The following SGSM3 variants were observed in gnomAD, a reference collection of about 807,000 sequenced individuals.
SGSM3 encodes the protein small G protein signaling modulator 3.
A neutral mutation model predicts 100.5 loss-of-function variants in SGSM3; 96 were observed. That is an observed-to-expected ratio of 0.96 (90% CI 0.81 to 1.13). The LOEUF (loss-of-function observed/expected upper bound fraction) is 1.13, where lower values mean the gene tolerates loss of function less well. SGSM3 is among the 50% of genes most tolerant of loss of function. The pLI, the probability that SGSM3 is intolerant of heterozygous loss-of-function variation, is 0.00. For synonymous variants in SGSM3, 483 were observed against 422.8 expected (o/e 1.14, Z -1.75); for missense variants, 1,001 against 1,015.8 (o/e 0.99, Z 0.20).
At chr22:40,404,513 T>C (rs781163747) in intron 5 of SGSM3, 44 bp from the exon 6 acceptor site, 27 of 1,609,880 alleles carry the variant, frequency 1.7e-5, no homozygotes, top group African/African-American at 4.0e-5. Flanking sequence ...CATGATCAGG[T>C]GTCACGAGAA....
chr22:40,408,838 AC>A lies in SGSM3; in HGVS notation c.1900del (p.Arg634GlyfsTer6), dbSNP rs766026955. On this transcript the variant is annotated frameshift_variant, in exon 18 of 22. Transcript: ENST00000248929. LOFTEE classifies it high-confidence loss of function. Reference sequence around the variant, plus strand: ...GTCCTGACCCCGGAGGAGCTGCTCTACCGGGTAAGGGGGCCTCCTCTGCCAG... The same window carrying A: ...GTCCTGACCCCGGAGGAGCTGCTCTACGGGTAAGGGGGCCTCCTCTGCCAG... ...GKVLTPEELL[Y>X]RAVQSVNVTH... 11 of 1,613,686 alleles carry A rather than the reference AC, an allele frequency of 6.8e-6. No homozygotes were observed. The highest frequency in any genetic ancestry group is 4.2e-6 in the Non-Finnish European group (5 of 1,179,954).
chr22:40,397,153 A>G (rs1045891914), intron 1 of SGSM3, among the ~76,000 whole-genome samples: 4 of 152,158 alleles, frequency 2.6e-5, no homozygotes, highest in African/African-American at 9.7e-5. Flanking sequence ...CAGCTTAACA[A>G]TTCACATCCG....
chr22:40,404,427 C>T lies in SGSM3; in HGVS notation c.338C>T (p.Ala113Val). 6.2e-7 allele frequency: 1 copy of T among 1,604,950 alleles called. No individual in the cohort carries two copies. The highest frequency in any genetic ancestry group is 2.2e-5 in the East Asian group (1 of 44,792). ...GAGAAGCTCCGCTCCCTGGTGCTGG[C>T]CGGCATCCCACATGGCATGAGGCCA... ...RSEKLRSLVL[A>V]GIPHGMRPQL... is the part of the protein sequence containing the mutation. Residue 113 changes from alanine (A) to valine (V), a missense_variant, in exon 5 of 22, where the codon GCC (alanine) becomes GTC (valine). By Grantham distance (64) the Ala-to-Val change is moderately conservative. Transcript: ENST00000248929.
intron 1 of SGSM3, among the ~76,000 whole-genome samples, chr22:40,392,240 C>T (rs1472521574): frequency 6.6e-6 from 1 of 151,388 alleles, no homozygotes; most frequent in Admixed American, 6.6e-5. Flanking sequence ...GTGATTATTC[C>T]AGTAATTACT....
Position 40,409,927 on chromosome 22 carries a change from A to G in SGSM3, c.*168A>G, listed in dbSNP as rs2052372193. 2 of 1,406,916 alleles carry G rather than the reference A, an allele frequency of 1.4e-6. No homozygotes were observed. The highest frequency in any genetic ancestry group is 3.1e-5 in the Admixed American group (1 of 32,284). The allele number at this position is 1,406,916 out of a possible 1,614,324, so 87.2% of individuals were successfully genotyped here. On this transcript the variant is annotated 3_prime_UTR_variant, in exon 22 of 22. Coordinates refer to ENST00000248929, the MANE Select transcript of SGSM3 (RefSeq NM_015705.6). ...AGCACATCCCAGGTGGTGGGAGCAGAGGGTACCCTGCCCCACCAGGGTCCT... is the reference window on the plus strand; with the variant it reads ...AGCACATCCCAGGTGGTGGGAGCAGGGGGTACCCTGCCCCACCAGGGTCCT...
intron 4 of SGSM3, among the ~76,000 whole-genome samples, chr22:40,403,010 C>G (rs774036134): frequency 3.9e-5 from 6 of 152,160 alleles, no homozygotes; most frequent in Non-Finnish European, 7.3e-5. Flanking sequence ...TCTTCTGATT[C>G]GTAGGCAGGT....
intron 1 of SGSM3, among the ~76,000 whole-genome samples, chr22:40,394,058 A>G (rs2049727171): frequency 6.6e-6 from 1 of 152,050 alleles, no homozygotes; most frequent in South Asian, 2.1e-4. Flanking sequence ...CCTAACTTCT[A>G]AATGTTGGAG....
At chr22:40,388,579 G>A (rs955699162) in intron 1 of SGSM3, among the ~76,000 whole-genome samples, 5 of 152,170 alleles carry the variant, frequency 3.3e-5, no homozygotes, top group African/African-American at 1.2e-4. Flanking sequence ...TTTTAAAGAT[G>A]GGAGGGAAAT....
At chr22:40,408,180 T>G (rs929358030) in intron 15 of SGSM3, 60 bp downstream of exon 15, 2 of 1,605,686 alleles carry the variant, frequency 1.2e-6, no homozygotes, top group Non-Finnish European at 1.7e-6. Context: ...CCTGCGTGCC[T>G]AGCGAGTCCT....
intron 1 of SGSM3, among the ~76,000 whole-genome samples, chr22:40,394,809 G>C (rs943322194): frequency 5.9e-5 from 9 of 152,110 alleles, no homozygotes; most frequent in African/African-American, 1.4e-4. Flanking sequence ...GAGCTGAAAA[G>C]TCATTTCCTG....
Position 40,407,647 on chromosome 22 carries a change from C to T in SGSM3, c.1524+79C>T. 6.3e-7 allele frequency: 1 copy of T among 1,578,920 alleles called. No individual in the cohort carries two copies. Among genetic ancestry groups the T allele is most frequent in the Non-Finnish European group, 8.6e-7 (1 of 1,160,712 alleles). The stretch of plus-strand genomic sequence containing the variant: ...CTCCCTCCACCAAGCCCCACCCCAA[C>T]CCCTTTCCCTGCCAAGAGCTTCTCT... On this transcript the variant is annotated intron_variant, in intron 13 of 21. Transcript: ENST00000248929. The surrounding 1 kb of genome is among the most constrained non-coding windows in gnomAD (Gnocchi z 4.7).
intron 4 of SGSM3, chr22:40,404,025 T>A: frequency 2.5e-6 from 1 of 402,324 alleles, no homozygotes. Context: ...ATGGTAGGAG[T>A]GGCTTTGAGG....
At chr22:40,375,317 C>A (rs542601016) in intron 1 of SGSM3, among the ~76,000 whole-genome samples, 1 of 152,202 alleles carries the variant, frequency 6.6e-6, no homozygotes, top group South Asian at 2.1e-4. Flanking sequence ...TGGTGGCTCA[C>A]GCCTGTAATC....
At position 40,406,578 on chromosome 22, in the gene SGSM3, G is replaced by T. The variant is rs770985202; in HGVS notation, c.1101G>T (p.Glu367Asp). ...GCTCCCTCACCGATGTGGCCGTGGAGACTCAGCGCCGCAAGCACCTGGCCT... is the reference window on the plus strand; with the variant it reads ...GCTCCCTCACCGATGTGGCCGTGGATACTCAGCGCCGCAAGCACCTGGCCT... ...LAGSLTDVAV[E>D]TQRRKHLAYL... The change falls in exon 10 of 22, where the codon GAG becomes GAT. Residue 367 changes from glutamate (E) to aspartate (D), a missense_variant. Transcript: ENST00000248929. The T allele has an allele frequency of 6.2e-7, 1 of 1,613,004 alleles. No homozygotes were observed. The highest frequency in any genetic ancestry group is 1.1e-5 in the South Asian group (1 of 91,048).
At chr22:40,404,743 T>TA (rs2051223681) in intron 6 of SGSM3, 79 bp downstream of exon 6, 10 of 1,004,506 alleles carry the variant, frequency 1.0e-5, no homozygotes, top group Non-Finnish European at 1.2e-5. Flanking sequence ...CTGGGGTTCT[T>TA]AGAGTGTGCC....
intron 1 of SGSM3, among the ~76,000 whole-genome samples, chr22:40,375,848 G>A (rs1311564292): frequency 1.3e-5 from 2 of 151,830 alleles, no homozygotes; most frequent in East Asian, 3.9e-4. Context: ...GACCAGCCTG[G>A]GCAACATGGT....
Position 40,407,510 on chromosome 22 carries a change from T to G in SGSM3, c.1466T>G (p.Leu489Arg), listed in dbSNP as rs781162416. The change falls in exon 13 of 22, where the codon CTG becomes CGG. Residue 489 changes from leucine (L) to arginine (R), a missense_variant. Coordinates refer to ENST00000248929, the MANE Select transcript of SGSM3 (RefSeq NM_015705.6). This position sits in a 1 kb window ranked among gnomAD's most constrained non-coding sequence, Gnocchi z 4.7. ...CACCGGCGCCGAGCCAAGGCCCTGC[T>G]GGACTTTGAGCGGCACGACGACGAC... ...RSHRRRAKALLDFERHDDDEL... is the reference protein window; with the variant it reads ...RSHRRRAKALRDFERHDDDEL... 1 of 1,610,204 alleles carries G rather than the reference T, an allele frequency of 6.2e-7. No individual in the cohort carries two copies. Among genetic ancestry groups the G allele is most frequent in the Non-Finnish European group, 8.5e-7 (1 of 1,179,990 alleles).
At chr22:40,392,003 A>G (rs2049411769) in intron 1 of SGSM3, among the ~76,000 whole-genome samples, 1 of 152,198 alleles carries the variant, frequency 6.6e-6, no homozygotes, top group African/African-American at 2.4e-5. Context: ...CTGTTTTGCA[A>G]ATTGCTGCAC....
rs184750384 is a variant in SGSM3 at position 40,397,384 on chromosome 22, T to C, written c.-111-3312T>C. Among the ~76,000 whole-genome samples, 18 of 151,974 alleles carry C rather than the reference T, an allele frequency of 1.2e-4. No individual in the cohort carries two copies. The East Asian group carries it at 1.7e-3, about 15-fold the overall frequency. ...GAATTCAAGACCAGCCTGGGCAACA[T>C]AGAGGGACCTTGTCTCTAAAAAAAA... On this transcript the variant is annotated intron_variant, in intron 1 of 21. Coordinates refer to ENST00000248929, the MANE Select transcript of SGSM3 (RefSeq NM_015705.6).
Sources: gnomAD v4.1 joint callset for allele counts (sites outside exome capture counted in the v4.1 genomes callset) on GRCh38, gnomAD v4.1.1 for gene constraint, Gnocchi (gnomAD v3.1) non-coding constraint, MANE v1.5 for transcripts, NCBI Gene and HGNC (gene_info 2026-07-23, HGNC 2026-07-21) for gene names.